The following DNAJC12 variants were observed in gnomAD, a reference collection of about 807,000 sequenced individuals.
DNAJC12 encodes DnaJ heat shock protein family (Hsp40) member C12, also known as dnaJ homolog subfamily C member 12.
DNAJC12 carries 25 observed loss-of-function variants against 28.5 expected under a neutral mutation model. The observed-to-expected ratio is 0.88, with a 90% CI of 0.64 to 1.22. The LOEUF (loss-of-function observed/expected upper bound fraction) is 1.22. Among genes scored for constraint, DNAJC12 ranks in the 50% most tolerant of loss-of-function variants. DNAJC12 has a pLI of 0.00. For synonymous variants in DNAJC12, 77 were observed against 80.6 expected (o/e 0.95, Z 0.24); for missense variants, 222 against 231.7 (o/e 0.96, Z 0.27).
chr10:67,822,641 G>A (rs1429642822), intron 2 of DNAJC12, among the ~76,000 whole-genome samples: 1 of 152,086 alleles, frequency 6.6e-6, no homozygotes, highest in Non-Finnish European at 1.5e-5. Context: ...AGAAACAAAA[G>A]TATGAATATA....
At chr10:67,820,414 A>G (rs1033213014) in intron 2 of DNAJC12, among the ~76,000 whole-genome samples, 1 of 152,192 alleles carries the variant, frequency 6.6e-6, no homozygotes, top group Admixed American at 6.5e-5. Context: ...CAAAACTGCA[A>G]AACTAGTCAA....
In DNAJC12 at chr10:67,831,167, C is replaced by A. The variant is rs115902280; in HGVS notation, c.78+6767G>T. 5.8e-3 allele frequency among the ~76,000 whole-genome samples: 879 copies of A among 152,180 alleles called. 12 individuals are homozygous for A. The highest frequency in any genetic ancestry group is 0.02 in the African/African-American group (844 of 41,526). Reference sequence around the variant, plus strand: ...CGCACCATTGCACTCCAGTCTGGGCCACAGGGTGAGAATCTGTCTCAAAAA... The same window carrying A: ...CGCACCATTGCACTCCAGTCTGGGCAACAGGGTGAGAATCTGTCTCAAAAA... On this transcript the variant is annotated intron_variant, in intron 1 of 4. Coordinates refer to ENST00000225171, the MANE Select transcript of DNAJC12 (RefSeq NM_021800.3).
At chr10:67,819,713 A>C (rs1365903089) in intron 2 of DNAJC12, among the ~76,000 whole-genome samples, 1 of 13,956 alleles carries the variant, frequency 7.2e-5, no homozygotes, top group Admixed American at 7.5e-4. Context: ...GAAGGAAGGA[A>C]GGAAGCAAGG....
In DNAJC12 at chr10:67,803,578, A is replaced by G. The variant is rs549241842; in HGVS notation, c.502+2005T>C. Among the ~76,000 whole-genome samples the G allele has an allele frequency of 6.6e-5, 10 of 152,344 alleles. No individual in the cohort carries two copies. The South Asian group carries it at 1.9e-3, about 28-fold the overall frequency. On this transcript the variant is annotated intron_variant, in intron 4 of 4. Coordinates refer to ENST00000225171, the MANE Select transcript of DNAJC12 (RefSeq NM_021800.3). ...AAGAAGGAAAATTTCGTAGAATCCTATGAGAGGGGCTCAAGAGGCCTCAGC... is the reference window on the plus strand; with the variant it reads ...AAGAAGGAAAATTTCGTAGAATCCTGTGAGAGGGGCTCAAGAGGCCTCAGC...
In DNAJC12 at chr10:67,817,081, A is replaced by G. The variant is rs1841923940; in HGVS notation, c.158-5418T>C. Reference sequence around the variant, plus strand: ...TTTCAGGGAATAAAAGAATGATCTAATCATTACTTATAAAAAGAGAAAACT... The same window carrying G: ...TTTCAGGGAATAAAAGAATGATCTAGTCATTACTTATAAAAAGAGAAAACT... On this transcript the variant is annotated intron_variant, in intron 2 of 4. Transcript: ENST00000225171. Among the ~76,000 whole-genome samples, 8 of 152,212 alleles carry G rather than the reference A, an allele frequency of 5.3e-5. No homozygotes were observed. The South Asian group carries it at 1.7e-3, about 32-fold the overall frequency.
intron 2 of DNAJC12, among the ~76,000 whole-genome samples, chr10:67,813,799 T>TA (rs998911090): frequency 1.3e-5 from 2 of 151,088 alleles, no homozygotes; most frequent in African/African-American, 4.9e-5. Flanking sequence ...ATAATATTTT[T>TA]AAAAAATTGA....
rs1564863279 is a variant in DNAJC12 at position 67,819,700 on chromosome 10, AAGGAAGG to A, written c.157+3607_157+3613del. 9.2e-3 allele frequency among the ~76,000 whole-genome samples: 194 copies of A among 20,986 alleles called. 28 individuals carry two copies. Among genetic ancestry groups the A allele is most frequent in the South Asian group, 0.017 (7 of 404 alleles). The allele number at this position is 20,986 out of a possible 152,430, so 13.8% of individuals were successfully genotyped here. A position where few individuals can be genotyped will look rare whatever the true frequency, so the allele number is the denominator to read the frequency against. On this transcript the variant is annotated intron_variant, in intron 2 of 4. Coordinates refer to ENST00000225171, the MANE Select transcript of DNAJC12 (RefSeq NM_021800.3). ...AAAGAAAGAAAGAAAGAAAGAAAGG[AAGGAAGG>A]AAGGAAGGAAGCAAGGAAGGAAGGA...
intron 2 of DNAJC12, among the ~76,000 whole-genome samples, chr10:67,816,876 A>T (rs560338711): frequency 6.6e-6 from 1 of 152,146 alleles, no homozygotes; most frequent in African/African-American, 2.4e-5. Context: ...GCCATGGAGA[A>T]GTTAATATAG....
chr10:67,823,549 T>C (rs1275276261), intron 1 of DNAJC12, among the ~76,000 whole-genome samples, 157 bp from the exon 2 acceptor site: 1 of 151,650 alleles, frequency 6.6e-6, no homozygotes, highest in Non-Finnish European at 1.5e-5. Context: ...AAATATAAAA[T>C]AATTAGCTGG....
At chr10:67,825,197 T>C (rs1027953925) in intron 1 of DNAJC12, 1 of 152,234 alleles carries the variant, frequency 6.6e-6, no homozygotes, top group Non-Finnish European at 1.5e-5. Flanking sequence ...GTGGCTATTA[T>C]TAAATATAAG....
rs574743375 is a variant in DNAJC12 at position 67,822,579 on chromosome 10, A to G, written c.157+735T>C. On this transcript the variant is annotated intron_variant, in intron 2 of 4. Transcript: ENST00000225171. Reference sequence around the variant, plus strand: ...GCAGAGGGATTATTGGTTTGTTCATATTTTTCCCAAGCTTGGATAGGTATA... The same window carrying G: ...GCAGAGGGATTATTGGTTTGTTCATGTTTTTCCCAAGCTTGGATAGGTATA... Among the ~76,000 whole-genome samples, 24 of 152,202 alleles carry G rather than the reference A, an allele frequency of 1.6e-4. No individual in the cohort carries two copies. In the South Asian group the frequency reaches 4.1e-3, roughly 26 times the overall value.
rs543691395 is a variant in DNAJC12, at chr10:67,814,634, A to G, written c.158-2971T>C. ...TATATCTGATAAGGTACTTATATCT[A>G]GAATTTATAGAGAACATTTACAACT... is the stretch of plus-strand genomic sequence containing the variant. On this transcript the variant is annotated intron_variant, in intron 2 of 4. Transcript: ENST00000225171. 2.6e-5 allele frequency among the ~76,000 whole-genome samples: 4 copies of G among 152,364 alleles called. No individual in the cohort carries two copies. The South Asian group carries it at 8.3e-4, about 32-fold the overall frequency.
At chr10:67,834,600 G>A (rs554039237) in intron 1 of DNAJC12, among the ~76,000 whole-genome samples, 9 of 152,306 alleles carry the variant, frequency 5.9e-5, no homozygotes, top group East Asian at 1.9e-4. Context: ...AGGCCAAGGC[G>A]GCGGATCACT....
At chr10:67,837,829 T>C (rs1842154428) in intron 1 of DNAJC12, 105 bp downstream of exon 1, 2 of 771,262 alleles carry the variant, frequency 2.6e-6, no homozygotes, top group Non-Finnish European at 2.0e-6. Context: ...GTTAGGTTTG[T>C]AGGCAATGTG....
intron 1 of DNAJC12, among the ~76,000 whole-genome samples, chr10:67,831,139 G>A (rs1015403949): frequency 6.6e-6 from 1 of 152,178 alleles, no homozygotes; most frequent in Non-Finnish European, 1.5e-5. Context: ...AGTGAGCTGA[G>A]ATCGCACCAT....
chr10:67,832,654 A>G (rs528559434), intron 1 of DNAJC12, among the ~76,000 whole-genome samples: 4 of 152,322 alleles, frequency 2.6e-5, no homozygotes, highest in African/African-American at 9.6e-5. Flanking sequence ...AATGAGAAAA[A>G]GAAAGTCACC....
chr10:67,822,407 A>C (rs1841989801), intron 2 of DNAJC12, among the ~76,000 whole-genome samples: 1 of 152,206 alleles, frequency 6.6e-6, no homozygotes, highest in Non-Finnish European at 1.5e-5. Flanking sequence ...TCCTTGGTCT[A>C]TTTCTGAGAA....
At chr10:67,827,008 G>T (rs1231866449) in intron 1 of DNAJC12, among the ~76,000 whole-genome samples, 1 of 147,124 alleles carries the variant, frequency 6.8e-6, no homozygotes, top group Admixed American at 6.9e-5. Flanking sequence ...CTTTTAAATA[G>T]ATAAAATTAT....
intron 2 of DNAJC12, among the ~76,000 whole-genome samples, chr10:67,815,108 G>A (rs534543179): frequency 4.6e-5 from 7 of 152,276 alleles, no homozygotes; most frequent in African/African-American, 7.2e-5. Flanking sequence ...TCCATCAACT[G>A]TGAATTGATA....
Sources: gnomAD v4.1 joint callset for allele counts (sites outside exome capture counted in the v4.1 genomes callset) on GRCh38, gnomAD v4.1.1 for gene constraint, MANE v1.5 for transcripts, NCBI Gene and HGNC (gene_info 2026-07-23, HGNC 2026-07-21) for gene names.